Variants in PLCE1 observed in about 807,000 individuals in gnomAD.
PLCE1 encodes phospholipase C epsilon 1, also known as 1-phosphatidylinositol 4,5-bisphosphate phosphodiesterase epsilon-1.
Under a neutral mutation model 242.8 loss-of-function variants are expected in PLCE1, and 119 were observed. The observed-to-expected ratio is 0.49, with a 90% CI of 0.42 to 0.57. The LOEUF (loss-of-function observed/expected upper bound fraction) is 0.57, where lower values mean the gene tolerates loss of function less well. PLCE1 is among the 20% of genes least tolerant of loss of function. The pLI is 0.00. For missense variants in PLCE1, 2,441 were observed against 2,788.8 expected, an observed-to-expected ratio of 0.88 and a Z score of 2.81; for synonymous variants, 945 against 1,017.4, an observed-to-expected ratio of 0.93 and a Z score of 1.35.
At chr10:94,258,632 T>C (rs1319398037) in intron 11 of PLCE1, among the ~76,000 whole-genome samples, 168 bp from the exon 12 acceptor site, 1 of 152,246 alleles carries the variant, frequency 6.6e-6, no homozygotes, top group Non-Finnish European at 1.5e-5. Flanking sequence ...TTTCCTCTGA[T>C]ACAATATAGG....
At chr10:94,315,491 TTGG>T in intron 28 of PLCE1, 1 of 455,944 alleles carries the variant, frequency 2.2e-6, no homozygotes, top group South Asian at 1.5e-5. Context: ...AGAAAATACA[TTGG>T]TAAAACTATA....
At position 94,227,253 on chromosome 10, in the gene PLCE1, A is replaced by G. The variant is rs1455613070; in HGVS notation, c.1810-53A>G. On this transcript the variant is annotated intron_variant, in intron 4 of 32. Transcript: ENST00000371380. Reference sequence around the variant, plus strand: ...ACAAAGAATGCTTTTGGAAAAAAAAATTGCCAAGCTTCTAGGACATAATTC... The same window carrying G: ...ACAAAGAATGCTTTTGGAAAAAAAAGTTGCCAAGCTTCTAGGACATAATTC... 4 of 1,578,840 alleles carry G rather than the reference A, an allele frequency of 2.5e-6. No homozygotes were observed. The African/African-American group carries it at 5.4e-5, about 21-fold the overall frequency.
At position 94,173,386 on chromosome 10, in the gene PLCE1, GT is replaced by G. The variant is rs1309772777; in HGVS notation, c.1809+1892del. Among the ~76,000 whole-genome samples the G allele has an allele frequency of 2.6e-5, 4 of 152,234 alleles. No individual in the cohort carries two copies. In the East Asian group the frequency reaches 7.7e-4, roughly 29 times the overall value. ...TGTTTTTAAAAATAAAACTCCTGATGTTCTTGATTTTCCTTACTGATAAAAA... is the reference window on the plus strand; with the variant it reads ...TGTTTTTAAAAATAAAACTCCTGATGTCTTGATTTTCCTTACTGATAAAAA... On this transcript the variant is annotated intron_variant, in intron 4 of 32. Transcript: ENST00000371380.
chr10:94,288,919 T>C (rs1330579248), intron 22 of PLCE1, among the ~76,000 whole-genome samples: 1 of 152,168 alleles, frequency 6.6e-6, no homozygotes, highest in Non-Finnish European at 1.5e-5. Flanking sequence ...CCTGCTGCCT[T>C]GGACAGCTTT....
Position 94,236,112 on chromosome 10 carries a change from C to G in PLCE1, c.2412C>G (p.Ser804Arg), listed in dbSNP as rs1564815734. The change falls in exon 7 of 33, where the codon AGC (serine) becomes AGG (arginine). Residue 804 changes from serine to arginine, a missense_variant. Coordinates refer to ENST00000371380, the MANE Select transcript of PLCE1 (RefSeq NM_016341.4). ...SSRKSSLKDK[S>R]RWQFIIGDLL... ...GGAAAAGCTCCTTGAAGGATAAAAG[C>G]CGATGGCAGTAAGTTTTACACGTTA... 6.2e-7 allele frequency: 1 copy of G among 1,613,042 alleles called. No homozygotes were observed. Among genetic ancestry groups the G allele is most frequent in the Non-Finnish European group, 8.5e-7 (1 of 1,179,336 alleles).
intron 4 of PLCE1, among the ~76,000 whole-genome samples, chr10:94,193,501 C>G (rs192421870): frequency 1.3e-5 from 2 of 152,248 alleles, no homozygotes; most frequent in Admixed American, 1.3e-4. Flanking sequence ...TTAGTATCTG[C>G]TTTATTTTAC....
intron 4 of PLCE1, among the ~76,000 whole-genome samples, chr10:94,199,596 T>A (rs17109833): frequency 6.6e-6 from 1 of 152,220 alleles, no homozygotes; most frequent in South Asian, 2.1e-4. Flanking sequence ...CCCCTACATC[T>A]TGGCAAAATA....
At chr10:93,999,034 A>G (rs1177278478) in intron 1 of PLCE1, among the ~76,000 whole-genome samples, 2 of 152,146 alleles carry the variant, frequency 1.3e-5, no homozygotes, top group Non-Finnish European at 2.9e-5. Context: ...CCCATTTTAG[A>G]CTTCTGACCT....
chr10:94,209,008 G>A (rs1217434778), intron 4 of PLCE1, among the ~76,000 whole-genome samples: 6 of 152,196 alleles, frequency 3.9e-5, no homozygotes, highest in Non-Finnish European at 7.3e-5. Context: ...GAACATTTAA[G>A]TGGATTTGAA....
chr10:94,246,797 A>C (rs770044736), intron 8 of PLCE1, among the ~76,000 whole-genome samples, 176 bp downstream of exon 8: 1 of 152,202 alleles, frequency 6.6e-6, no homozygotes, highest in Non-Finnish European at 1.5e-5. Flanking sequence ...AAATGGAAAT[A>C]ATAACACCTG....
rs1554877545 is a variant in PLCE1, at chr10:94,179,512, G to GTTTTTTTTTTTTTTT, written c.1809+8020_1809+8034dup. Among the ~76,000 whole-genome samples, 115 of 19,358 alleles carry GTTTTTTTTTTTTTTT rather than the reference G, an allele frequency of 5.9e-3. 9 individuals are homozygous for GTTTTTTTTTTTTTTT. The highest frequency in any genetic ancestry group is 0.017 in the African/African-American group (104 of 6,256). 12.7% of individuals were successfully genotyped at this position (19,358 alleles called of 152,430 possible). A position where few individuals can be genotyped will look rare whatever the true frequency, so the allele number is the denominator to read the frequency against. Reference sequence around the variant, plus strand: ...TTTATCTTATTTTTATTTTAGTTTAGTTTTTTTTTTTTTTTTTTGACAGGG... The same window carrying GTTTTTTTTTTTTTTT: ...TTTATCTTATTTTTATTTTAGTTTAGTTTTTTTTTTTTTTTTTTTTTTTTTTTTTTTTTGACAGGG... On this transcript the variant is annotated intron_variant, in intron 4 of 32. Coordinates refer to ENST00000371380, the MANE Select transcript of PLCE1 (RefSeq NM_016341.4).
At chr10:94,200,595 C>T (rs1035853048) in intron 4 of PLCE1, among the ~76,000 whole-genome samples, 12 of 152,154 alleles carry the variant, frequency 7.9e-5, no homozygotes, top group African/African-American at 2.9e-4. Flanking sequence ...ATACTCCACC[C>T]TCTAGAAGGT....
chr10:94,313,516 TTTGA>T, intron 28 of PLCE1, 134 bp downstream of exon 28: 3 of 979,136 alleles, frequency 3.1e-6, no homozygotes, highest in East Asian at 2.4e-5. Flanking sequence ...TGATATGCCT[TTTGA>T]TTATTTGGAA....
chr10:94,213,047 G>T (rs1464513958), intron 4 of PLCE1, among the ~76,000 whole-genome samples: 1 of 152,192 alleles, frequency 6.6e-6, no homozygotes, highest in African/African-American at 2.4e-5. Context: ...TTGACTCCCC[G>T]AATTGAATTC....
intron 26 of PLCE1, 28 bp from the exon 27 acceptor site, chr10:94,308,553 A>G (rs201346000): frequency 1.4e-6 from 2 of 1,465,864 alleles, no homozygotes; most frequent in Non-Finnish European, 1.9e-6. Flanking sequence ...ATGGTTAACA[A>G]GCTTTTCCCA....
intron 2 of PLCE1, among the ~76,000 whole-genome samples, chr10:94,065,967 G>T (rs114001638): frequency 6.6e-6 from 1 of 152,114 alleles, no homozygotes; most frequent in South Asian, 2.1e-4. Flanking sequence ...ACCTGTAAAA[G>T]ATAAGTCTGT....
intron 6 of PLCE1, among the ~76,000 whole-genome samples, chr10:94,234,611 G>A (rs905016887): frequency 7.2e-5 from 11 of 152,160 alleles, no homozygotes; most frequent in Non-Finnish European, 2.9e-5. Flanking sequence ...TTTTCTTATT[G>A]GGTGGGAATG....
At chr10:94,181,563 AAG>A (rs1408325574) in intron 4 of PLCE1, among the ~76,000 whole-genome samples, 1 of 151,884 alleles carries the variant, frequency 6.6e-6, no homozygotes, top group Non-Finnish European at 1.5e-5. Context: ...GTGACAGAGC[AAG>A]ACTCTGTCTC....
intron 22 of PLCE1, among the ~76,000 whole-genome samples, chr10:94,289,792 T>A (rs948203793): frequency 7.2e-5 from 11 of 152,350 alleles, no homozygotes; most frequent in Non-Finnish European, 1.6e-4. Context: ...TGAGTGAATG[T>A]GAAGACCTGG....
Sources: allele counts gnomAD v4.1 joint callset (sites outside exome capture counted in the v4.1 genomes callset), GRCh38; gene constraint gnomAD v4.1.1; transcripts MANE v1.5; gene names NCBI Gene and HGNC (gene_info 2026-07-23, HGNC 2026-07-21).